The following CSMD3 variants were observed in gnomAD, a reference collection of about 807,000 sequenced individuals.
CSMD3 encodes CUB and sushi domain-containing protein 3.
CSMD3 carries 177 observed loss-of-function variants against 435.2 expected under a neutral mutation model. The ratio of observed to expected loss-of-function variants is 0.41; its 90% CI spans 0.36 to 0.46. The LOEUF is 0.46. Ranked by LOEUF, CSMD3 falls within the 20% of genes least tolerant of loss-of-function variation. CSMD3 has a pLI of 0.34. For missense variants in CSMD3, 4,265 were observed against 4,504.6 expected, an observed-to-expected ratio of 0.95 and a Z score of 1.52; for synonymous variants, 1,656 against 1,520.5, an observed-to-expected ratio of 1.09 and a Z score of -2.07.
intron 9 of CSMD3, among the ~76,000 whole-genome samples, chr8:112,928,484 G>A (rs1219238513): frequency 6.6e-6 from 1 of 152,068 alleles, no homozygotes; most frequent in East Asian, 1.9e-4. Flanking sequence ...TCCCCTTCCT[G>A]TGTCCATGTG....
intron 30 of CSMD3, among the ~76,000 whole-genome samples, chr8:112,493,155 T>G (rs2130857683): frequency 6.6e-6 from 1 of 152,284 alleles, no homozygotes; most frequent in South Asian, 2.1e-4. Flanking sequence ...GACAAATTGC[T>G]AATGCATATT....
chr8:112,402,840 A>G (rs1189759116), intron 35 of CSMD3, among the ~76,000 whole-genome samples: 1 of 152,216 alleles, frequency 6.6e-6, no homozygotes, highest in Non-Finnish European at 1.5e-5. Context: ...TAATTTTCAC[A>G]GACATATAGA....
intron 67 of CSMD3, 121 bp downstream of exon 67, chr8:112,237,069 A>G: frequency 7.7e-6 from 9 of 1,170,268 alleles, no homozygotes; most frequent in Non-Finnish European, 1.1e-5. Flanking sequence ...TATGAATGTC[A>G]TCAAAAGCAA....
intron 13 of CSMD3, among the ~76,000 whole-genome samples, chr8:112,752,558 T>G (rs2077594902): frequency 6.6e-6 from 1 of 152,142 alleles, no homozygotes; most frequent in African/African-American, 2.4e-5. Context: ...ATCATCATAT[T>G]GCAAAGTGAG....
At chr8:113,229,310 A>C (rs1397740177) in intron 3 of CSMD3, among the ~76,000 whole-genome samples, 1 of 151,518 alleles carries the variant, frequency 6.6e-6, no homozygotes, top group East Asian at 1.9e-4. Flanking sequence ...TGTTGAAGGG[A>C]TATTTCTTGT....
chr8:112,241,788 A>G lies in CSMD3; in HGVS notation c.10403-3T>C, dbSNP rs1814175417. ...TTTCACCAATATTTTAGAACCAGCT[A>G]TGAAAAGAAATAAAGGTGTTTACAA... On this transcript the variant is annotated splice_region_variant and splice_polypyrimidine_tract_variant and intron_variant, in intron 65 of 70. Coordinates refer to ENST00000297405, the MANE Select transcript of CSMD3 (RefSeq NM_198123.2). The G allele has an allele frequency of 6.2e-7, 1 of 1,608,750 alleles. No individual in the cohort carries two copies. Among genetic ancestry groups the G allele is most frequent in the Admixed American group, 1.7e-5 (1 of 59,934 alleles).
At chr8:112,433,834 C>A (rs1321121541) in intron 32 of CSMD3, among the ~76,000 whole-genome samples, 3 of 150,518 alleles carry the variant, frequency 2.0e-5, no homozygotes, top group Non-Finnish European at 3.0e-5. Flanking sequence ...GCATAGAAAG[C>A]CATCTATTTT....
At chr8:112,562,813 A>G (rs1436264924) in intron 24 of CSMD3, among the ~76,000 whole-genome samples, 1 of 151,754 alleles carries the variant, frequency 6.6e-6, no homozygotes, top group Non-Finnish European at 1.5e-5. Context: ...CTCTTCATTT[A>G]TATCAACTTT....
intron 9 of CSMD3, among the ~76,000 whole-genome samples, chr8:112,927,096 A>G (rs951186327): frequency 6.6e-6 from 1 of 152,170 alleles, no homozygotes; most frequent in East Asian, 1.9e-4. Context: ...ATGCTGATTT[A>G]ATATCTTTAA....
intron 13 of CSMD3, among the ~76,000 whole-genome samples, chr8:112,777,698 A>C (rs1466350499): frequency 4.0e-5 from 6 of 151,826 alleles, no homozygotes. Flanking sequence ...TATATCAAGC[A>C]GAAAATGAAG....
At chr8:113,416,652 A>G (rs1022438400) in intron 1 of CSMD3, among the ~76,000 whole-genome samples, 1 of 152,038 alleles carries the variant, frequency 6.6e-6, no homozygotes, top group Non-Finnish European at 1.5e-5. Flanking sequence ...CATTTCTATC[A>G]CCTTCTGCGT....
intron 59 of CSMD3, among the ~76,000 whole-genome samples, chr8:112,276,101 G>T (rs868670721): frequency 6.6e-6 from 1 of 152,110 alleles, no homozygotes; most frequent in Non-Finnish European, 1.5e-5. Flanking sequence ...TGTTCCAAAT[G>T]GGAGAAATTG....
intron 22 of CSMD3, among the ~76,000 whole-genome samples, chr8:112,590,766 G>T (rs1831118642): frequency 6.6e-6 from 1 of 151,950 alleles, no homozygotes; most frequent in African/African-American, 2.4e-5. Flanking sequence ...ACTGCTTCAG[G>T]GTTTAGGGGT....
At chr8:112,686,649 C>G (rs1299669991) in intron 14 of CSMD3, among the ~76,000 whole-genome samples, 4 of 151,872 alleles carry the variant, frequency 2.6e-5, no homozygotes. Context: ...CCACGCCCAG[C>G]TAATTTTTGT....
At chr8:113,052,038 A>G (rs911681279) in intron 5 of CSMD3, among the ~76,000 whole-genome samples, 2 of 152,166 alleles carry the variant, frequency 1.3e-5, no homozygotes, top group African/African-American at 4.8e-5. Context: ...TTGACTTTGA[A>G]AATATTTTCA....
At chr8:113,402,674 T>C (rs910691082) in intron 1 of CSMD3, among the ~76,000 whole-genome samples, 4 of 151,286 alleles carry the variant, frequency 2.6e-5, no homozygotes, top group Admixed American at 1.3e-4. Context: ...TTAAAGGAAA[T>C]ATATTTTTCA....
intron 22 of CSMD3, among the ~76,000 whole-genome samples, chr8:112,597,342 C>A (rs1351082353): frequency 6.6e-6 from 1 of 151,454 alleles, no homozygotes; most frequent in Non-Finnish European, 1.5e-5. Context: ...CTGAATAGAC[C>A]AATAACAGGA....
intron 6 of CSMD3, among the ~76,000 whole-genome samples, chr8:112,979,414 T>C (rs2084966689): frequency 6.6e-6 from 1 of 151,638 alleles, no homozygotes; most frequent in Admixed American, 6.6e-5. Context: ...AATACTGATA[T>C]TGGTAATATT....
At chr8:113,272,429 A>G (rs2093535904) in intron 3 of CSMD3, among the ~76,000 whole-genome samples, 1 of 152,016 alleles carries the variant, frequency 6.6e-6, no homozygotes. Context: ...GTGGTAGTGA[A>G]TAAGTCTTAT....
Sources: allele counts gnomAD v4.1 joint callset (sites outside exome capture counted in the v4.1 genomes callset), GRCh38; gene constraint gnomAD v4.1.1; transcripts MANE v1.5; gene names NCBI Gene and HGNC (gene_info 2026-07-23, HGNC 2026-07-21).